TBL1XR1: variants seen among roughly 807,000 people sequenced by gnomAD.
TBL1XR1 encodes F-box-like/WD repeat-containing protein TBL1XR1.
Under a neutral mutation model 66.9 loss-of-function variants are expected in TBL1XR1, and 5 were observed. The observed-to-expected ratio is 0.07, with a 90% confidence interval of 0.04 to 0.16. The LOEUF (loss-of-function observed/expected upper bound fraction) is 0.16. TBL1XR1 is among the 10% of genes least tolerant of loss of function. The probability of loss-of-function intolerance (pLI) is 1.00; values close to 1 mark genes in which losing one functional copy is unlikely to be tolerated. For synonymous variants in TBL1XR1, 210 were observed against 206.0 expected, an observed-to-expected ratio of 1.02 and a Z score of -0.17; for missense variants, 238 against 623.2, an observed-to-expected ratio of 0.38 and a Z score of 6.58.
intron 1 of TBL1XR1, among the ~76,000 whole-genome samples, chr3:177,148,419 T>C (rs1730495187): frequency 6.6e-6 from 1 of 152,182 alleles, no homozygotes; most frequent in Admixed American, 6.5e-5. Flanking sequence ...TACTCTTTGA[T>C]CTCAAAAATA....
At chr3:177,120,524 T>C (rs1577227033) in intron 1 of TBL1XR1, among the ~76,000 whole-genome samples, 1 of 152,298 alleles carries the variant, frequency 6.6e-6, no homozygotes, top group Non-Finnish European at 1.5e-5. Flanking sequence ...TCTGACTACG[T>C]TCCCTTACAC....
intron 1 of TBL1XR1, among the ~76,000 whole-genome samples, chr3:177,135,298 G>T (rs1446140191): frequency 1.1e-4 from 9 of 78,586 alleles, no homozygotes; most frequent in African/African-American, 1.4e-4. Context: ...CACCGCACAA[G>T]GCCGCACTCT....
At position 177,163,245 on chromosome 3, in the gene TBL1XR1, G is replaced by A. The variant is rs550238360; in HGVS notation, c.-122+33876C>T. On this transcript the variant is annotated intron_variant, in intron 1 of 15. Coordinates refer to ENST00000457928, the MANE Select transcript of TBL1XR1 (RefSeq NM_024665.7). ...AAAGAGGCCGGGCGTGGTGGCTCAC[G>A]CTTGTAATCCCAGCACTTTGGGAGG... is the stretch of plus-strand genomic sequence containing the variant. Among the ~76,000 whole-genome samples the A allele has an allele frequency of 7.9e-5, 12 of 152,224 alleles. No individual in the cohort carries two copies. In the East Asian group the frequency reaches 1.7e-3, roughly 22 times the overall value.
chr3:177,026,549 T>C, intron 14 of TBL1XR1, 75 bp from the exon 15 acceptor site: 1 of 1,048,566 alleles, frequency 9.5e-7, no homozygotes, highest in Non-Finnish European at 1.3e-6. Context: ...AATAAAAATA[T>C]TACATAGCTT....
chr3:177,151,852 T>C (rs569920537), intron 1 of TBL1XR1, among the ~76,000 whole-genome samples: 5 of 152,256 alleles, frequency 3.3e-5, no homozygotes, highest in Admixed American at 2.0e-4. Context: ...GGTGAAACCC[T>C]GTCTCTACTA....
At chr3:177,061,404 G>C (rs1240846243) in intron 3 of TBL1XR1, among the ~76,000 whole-genome samples, 2 of 152,146 alleles carry the variant, frequency 1.3e-5, no homozygotes, top group African/African-American at 4.8e-5. Context: ...TGAACAATAT[G>C]CAGAGAACAA....
intron 1 of TBL1XR1, among the ~76,000 whole-genome samples, chr3:177,152,173 C>T (rs1730970214): frequency 6.6e-6 from 1 of 152,154 alleles, no homozygotes; most frequent in Non-Finnish European, 1.5e-5. Flanking sequence ...AAACTTCTTC[C>T]AAAGATGCTC....
intron 2 of TBL1XR1, among the ~76,000 whole-genome samples, chr3:177,089,823 A>T (rs1722605243): frequency 1.3e-5 from 2 of 152,250 alleles, no homozygotes; most frequent in African/African-American, 4.8e-5. Context: ...TTCAAAGAAA[A>T]AGATATGCAA....
intron 1 of TBL1XR1, among the ~76,000 whole-genome samples, chr3:177,144,443 T>C (rs960706265): frequency 1.3e-5 from 2 of 151,938 alleles, no homozygotes; most frequent in African/African-American, 4.8e-5. Flanking sequence ...CTCAACTGTG[T>C]AGTTGTGAAG....
Position 177,025,217 on chromosome 3 carries a change from C to G in TBL1XR1, c.*281G>C, listed in dbSNP as rs1371589359. On this transcript the variant is annotated 3_prime_UTR_variant, in exon 16 of 16. Transcript: ENST00000457928. The stretch of plus-strand genomic sequence containing the variant: ...TTCTGCTTTTATAATGTATATTTTT[C>G]TCTCTTCTGTTTTTCATATCCAAAA... 5.2e-6 allele frequency: 2 copies of G among 387,110 alleles called. No individual in the cohort carries two copies. The highest frequency in any genetic ancestry group is 4.6e-6 in the Non-Finnish European group (1 of 217,918). The allele number at this position is 387,110 out of a possible 1,614,324, so 24.0% of individuals were successfully genotyped here.
intron 1 of TBL1XR1, among the ~76,000 whole-genome samples, chr3:177,136,013 C>G (rs752152809): frequency 1.2e-4 from 18 of 152,082 alleles, no homozygotes; most frequent in Non-Finnish European, 2.6e-4. Context: ...TCTCCATCTT[C>G]CCTTTACTCC....
chr3:177,052,663 C>T (rs1053293844), intron 4 of TBL1XR1, among the ~76,000 whole-genome samples: 23 of 152,164 alleles, frequency 1.5e-4, no homozygotes, highest in Admixed American at 1.2e-3. Flanking sequence ...CAAACAAATC[C>T]ATTTTAGTAT....
At chr3:177,187,451 C>T (rs1735563845) in intron 1 of TBL1XR1, among the ~76,000 whole-genome samples, 2 of 150,168 alleles carry the variant, frequency 1.3e-5, no homozygotes, top group South Asian at 2.1e-4. Flanking sequence ...ATCGAGTATA[C>T]TCATTCAAGT....
At chr3:177,052,675 T>C (rs1717256433) in intron 4 of TBL1XR1, among the ~76,000 whole-genome samples, 1 of 152,328 alleles carries the variant, frequency 6.6e-6, no homozygotes, top group South Asian at 2.1e-4. Flanking sequence ...TTTTAGTATA[T>C]TATGTAATTT....
intron 1 of TBL1XR1, among the ~76,000 whole-genome samples, chr3:177,102,872 A>G (rs761110902): frequency 6.6e-6 from 1 of 152,154 alleles, no homozygotes; most frequent in Non-Finnish European, 1.5e-5. Flanking sequence ...CCAGCTTAAC[A>G]TATCTCCCTT....
At chr3:177,196,158 G>C (rs1297123027) in intron 1 of TBL1XR1, among the ~76,000 whole-genome samples, 1 of 152,086 alleles carries the variant, frequency 6.6e-6, no homozygotes, top group Non-Finnish European at 1.5e-5. Flanking sequence ...TACTGAACAC[G>C]TTAACACATG....
chr3:177,030,296 TATTA>T (rs1328854893), intron 14 of TBL1XR1, among the ~76,000 whole-genome samples: 4 of 151,730 alleles, frequency 2.6e-5, no homozygotes, highest in Non-Finnish European at 4.4e-5. Flanking sequence ...ATGAATATAT[TATTA>T]ATGAATATAT....
intron 1 of TBL1XR1, among the ~76,000 whole-genome samples, chr3:177,131,701 C>A (rs2108787901): frequency 6.6e-6 from 1 of 151,984 alleles, no homozygotes; most frequent in South Asian, 2.1e-4. Context: ...AGGGTTTCAC[C>A]ATGTTGGCCA....
intron 3 of TBL1XR1, among the ~76,000 whole-genome samples, chr3:177,059,317 T>C (rs534930934): frequency 6.6e-6 from 1 of 152,276 alleles, no homozygotes; most frequent in South Asian, 2.1e-4. Context: ...GTAATATTCA[T>C]TAGCCATTAC....
Sources: allele counts gnomAD v4.1 joint callset (sites outside exome capture counted in the v4.1 genomes callset), GRCh38; gene constraint gnomAD v4.1.1; transcripts MANE v1.5; gene names NCBI Gene and HGNC (gene_info 2026-07-23, HGNC 2026-07-21).